Variants in PARP12 observed in about 807,000 individuals in gnomAD.
The protein encoded by PARP12 is protein mono-ADP-ribosyltransferase PARP12.
PARP12 carries 59 observed loss-of-function variants against 72.4 expected under a neutral mutation model. The ratio of observed to expected loss-of-function variants is 0.81; its 90% CI spans 0.66 to 1.01. The LOEUF (loss-of-function observed/expected upper bound fraction) is 1.01, where lower values mean the gene tolerates loss of function less well. Ranked by LOEUF, PARP12 falls within the 50% of genes least tolerant of loss-of-function variation. The pLI is 0.00. For missense variants in PARP12, 851 were observed against 914.0 expected (o/e 0.93, Z 0.89); for synonymous variants, 403 against 371.4 (o/e 1.09, Z -0.98).
In PARP12 at chr7:140,046,920, A is replaced by G; in HGVS notation, c.950T>C (p.Leu317Pro). The G allele has an allele frequency of 6.2e-7, 1 of 1,613,948 alleles. No homozygotes were observed. Among genetic ancestry groups the G allele is most frequent in the African/African-American group, 1.3e-5 (1 of 74,988 alleles). Residue 317 changes from leucine (L) to proline (P), a missense_variant, in exon 5 of 12, where the codon CTT becomes CCT. Transcript: ENST00000263549. ...GKWEDLDNME[L>P]IEEAYCNPKI... is the part of the protein sequence containing the mutation. ...GGGATTGCAATATGCCTCTTCAATA[A>G]GTTCCATGTTGTCCAAATCCTCCCA...
rs1447334826 is a variant in PARP12, at chr7:140,024,777, C to T, written c.1889G>A (p.Gly630Asp). The T allele has an allele frequency of 6.2e-7, 1 of 1,614,196 alleles. No homozygotes were observed. Among genetic ancestry groups the T allele is most frequent in the Admixed American group, 1.7e-5 (1 of 60,036 alleles). The change falls in exon 12 of 12, where the codon GGC (glycine) becomes GAC (aspartate). Residue 630 changes from glycine (G) to aspartate (D), a missense_variant. Transcript: ENST00000263549. ...CGGCGGACGGACAAAGGAGGCATTG[C>T]CCCTGACGAACTCGCCCACCAGCAC... ...ARVLVGEFVR[G>D]NASFVRPPAK...
intron 1 of PARP12, among the ~76,000 whole-genome samples, chr7:140,060,927 C>T (rs1449640008): frequency 6.6e-6 from 1 of 152,226 alleles, no homozygotes; most frequent in Non-Finnish European, 1.5e-5. Context: ...TCCTCCCAAG[C>T]TTCTGACCTG....
At chr7:140,048,753 C>A (rs1816838331) in intron 4 of PARP12, among the ~76,000 whole-genome samples, 1 of 152,090 alleles carries the variant, frequency 6.6e-6, no homozygotes, top group Admixed American at 6.5e-5. Context: ...ATAATATATT[C>A]CAAAAATTAT....
chr7:140,062,164 C>T (rs1817481987), intron 1 of PARP12, among the ~76,000 whole-genome samples: 1 of 152,124 alleles, frequency 6.6e-6, no homozygotes, highest in African/African-American at 2.4e-5. Flanking sequence ...ATTGTCTGGC[C>T]TCAAAGCTGG....
At chr7:140,050,231 A>G (rs1306802802) in intron 4 of PARP12, among the ~76,000 whole-genome samples, 1 of 152,218 alleles carries the variant, frequency 6.6e-6, no homozygotes, top group Non-Finnish European at 1.5e-5. Flanking sequence ...TCAGAGTCAG[A>G]TGAAGCCAGG....
chr7:140,034,250 G>A lies in PARP12; in HGVS notation c.1406C>T (p.Thr469Met), dbSNP rs761991030. 4.2e-5 allele frequency: 68 copies of A among 1,612,498 alleles called. No homozygotes were observed. Among genetic ancestry groups the A allele is most frequent in the Non-Finnish European group, 5.2e-5 (61 of 1,179,132 alleles). The change falls in exon 8 of 12, where the codon ACG becomes ATG. Residue 469 changes from threonine (T) to methionine (M), a missense_variant. Transcript: ENST00000263549. Reference protein sequence around the residue: ...RPKYVSPQDVTTMQTCNTKFP... With the variant: ...RPKYVSPQDVMTMQTCNTKFP... ...TGCAACCTACCAGGTTTGCATGGTCGTCACATCCTGGGGAGACACGTATTT... is the reference window on the plus strand; with the variant it reads ...TGCAACCTACCAGGTTTGCATGGTCATCACATCCTGGGGAGACACGTATTT...
In PARP12 at chr7:140,062,638, C is replaced by A. The variant is rs770274741; in HGVS notation, c.210G>T (p.Ser70=). ...GGTGCGCGCGACACAGGCGCAGCGGCGAGGCGGCCAGCACCACGCGCTCCG... is the reference window on the plus strand; with the variant it reads ...GGTGCGCGCGACACAGGCGCAGCGGAGAGGCGGCCAGCACCACGCGCTCCG... ...AAPERVVLAA[S]PLRLCRAHQG... The change falls in exon 1 of 12, where the codon TCG becomes TCT. Residue 70 remains serine, a synonymous_variant. Transcript: ENST00000263549. The A allele has an allele frequency of 2.6e-5, 39 of 1,475,076 alleles. 1 individual carries two copies. In the Middle Eastern group the frequency reaches 1.2e-3, roughly 45 times the overall value. The allele number at this position is 1,475,076 out of a possible 1,614,324, so 91.4% of individuals were successfully genotyped here.
rs111897783 is a variant in PARP12 at position 140,038,250 on chromosome 7, C to T, written c.1183-394G>A. The T allele has an allele frequency of 3.3e-5, 33 of 985,456 alleles. 1 individual carries two copies. The highest frequency in any genetic ancestry group is 2.6e-4 in the African/African-American group (15 of 57,364). The allele number at this position is 985,456 out of a possible 1,614,324, so 61.0% of individuals were successfully genotyped here. ...CAGGCTGGTCTTACCCGTCTATTCACGTTGCAACCATCCTTTAATCAGAGC... is the reference window on the plus strand; with the variant it reads ...CAGGCTGGTCTTACCCGTCTATTCATGTTGCAACCATCCTTTAATCAGAGC... On this transcript the variant is annotated intron_variant, in intron 6 of 11. Coordinates refer to ENST00000263549, the MANE Select transcript of PARP12 (RefSeq NM_022750.4).
chr7:140,025,655 G>A (rs529790970), intron 11 of PARP12: 49 of 385,300 alleles, frequency 1.3e-4, no homozygotes, highest in Non-Finnish European at 2.4e-4. Context: ...AATGAACGCA[G>A]GTAAAATTTA....
chr7:140,054,905 T>C (rs1817120151), intron 3 of PARP12, 142 bp from the exon 4 acceptor site: 2 of 659,734 alleles, frequency 3.0e-6, no homozygotes, highest in Admixed American at 5.1e-5. Flanking sequence ...AAAGTGCTCC[T>C]ACACAGGTGG....
chr7:140,033,232 C>T (rs1419445164), intron 8 of PARP12: 2 of 985,316 alleles, frequency 2.0e-6, no homozygotes, highest in African/African-American at 3.5e-5. Context: ...AAGTAAGGCA[C>T]ATTCCCAGGA....
At position 140,062,587 on chromosome 7, in the gene PARP12, C is replaced by T; in HGVS notation, c.261G>A (p.Gly87=). ...TGCAGAGGTGGAGCTGCGCGCAGAG[C>T]CCCACGCAGCCCGGCTTGGAGCCCT... The part of the protein sequence containing the change: ...AHQGSKPGCV[G]LCAQLHLCRF... Residue 87 remains glycine (G), a synonymous_variant, in exon 1 of 12, where the codon GGG becomes GGA. Coordinates refer to ENST00000263549, the MANE Select transcript of PARP12 (RefSeq NM_022750.4). 1 of 1,533,436 alleles carries T rather than the reference C, an allele frequency of 6.5e-7. No homozygotes were observed. The highest frequency in any genetic ancestry group is 8.7e-7 in the Non-Finnish European group (1 of 1,144,658). The allele number at this position is 1,533,436 out of a possible 1,614,324, so 95.0% of individuals were successfully genotyped here.
At position 140,062,512 on chromosome 7, in the gene PARP12, G is replaced by T. The variant is rs766910024; in HGVS notation, c.326+10C>A. 3 of 1,538,234 alleles carry T rather than the reference G, an allele frequency of 2.0e-6. No individual in the cohort carries two copies. Among genetic ancestry groups the T allele is most frequent in the African/African-American group, 2.8e-5 (2 of 72,306 alleles). On this transcript the variant is annotated intron_variant, in intron 1 of 11. Coordinates refer to ENST00000263549, the MANE Select transcript of PARP12 (RefSeq NM_022750.4). The stretch of plus-strand genomic sequence containing the variant: ...CTCCGCCCGCCGTCGCTCCCGGCGC[G>T]GCGCCTTACCCGGCTCTCAGGAACT...
rs560779995 is a variant in PARP12 at position 140,056,464 on chromosome 7, TC to T, written c.760+391del. Among the ~76,000 whole-genome samples, 677 of 152,226 alleles carry T rather than the reference TC, an allele frequency of 4.4e-3. 4 individuals are homozygous for T. The highest frequency in any genetic ancestry group is 0.016 in the African/African-American group (654 of 41,518). ...AATCAGAATACAACACAAGGAATGC[TC>T]CCCAGAGCTGTGCAGCACAGCATTC... On this transcript the variant is annotated intron_variant, in intron 3 of 11. Transcript: ENST00000263549.
Position 140,033,398 on chromosome 7 carries a change from C to A in PARP12, c.1421+837G>T, listed in dbSNP as rs1479291361. ...TTGTTGGTTCTCCATAAAATAGACA[C>A]AAGCCAGACCTCTCAGGCGAACAGA... On this transcript the variant is annotated intron_variant, in intron 8 of 11. Coordinates refer to ENST00000263549, the MANE Select transcript of PARP12 (RefSeq NM_022750.4). The A allele has an allele frequency of 3.0e-6, 3 of 985,302 alleles. No homozygotes were observed. The South Asian group carries it at 1.4e-4, about 46-fold the overall frequency. 61.0% of individuals were successfully genotyped at this position (985,302 alleles called of 1,614,324 possible). A position where few individuals can be genotyped will look rare whatever the true frequency, so the allele number is the denominator to read the frequency against.
At chr7:140,050,758 G>A (rs1302241958) in intron 4 of PARP12, among the ~76,000 whole-genome samples, 1 of 152,180 alleles carries the variant, frequency 6.6e-6, no homozygotes, top group Non-Finnish European at 1.5e-5. Flanking sequence ...AAAACATTCT[G>A]TAGGCTTAGA....
In PARP12 at chr7:140,028,615, G is replaced by A. The variant is rs1815823486; in HGVS notation, c.1495C>T (p.Gln499Ter). 6.3e-7 allele frequency: 1 copy of A among 1,590,920 alleles called. No individual in the cohort carries two copies. Among genetic ancestry groups the A allele is most frequent in the Non-Finnish European group, 8.6e-7 (1 of 1,167,818 alleles). The stretch of plus-strand genomic sequence containing the variant: ...CCCCAGGCGCATGCGTCCCCTACCT[G>A]AAAGCCTGGGTCTGGCAGGGCAGAG... ...DSSALPDPGF[Q>*]KITLSSSSEE... is the part of the protein sequence containing the mutation. The change falls in exon 9 of 12, where the codon CAG becomes TAG. Residue 499 changes from glutamine (Q) to a stop codon, truncating the protein, a stop_gained and splice_region_variant. Transcript: ENST00000263549. LOFTEE classifies it high-confidence loss of function.
chr7:140,058,001 G>A lies in PARP12; in HGVS notation c.360C>T (p.Thr120=), dbSNP rs545108103. ...KNCRNSHSLT[T]EHNLSVLRTH... ...TTCTCAGCACACTCAGGTTGTGTTCGGTTGTCAAGCTGTGACTATTCCTAC... is the reference window on the plus strand; with the variant it reads ...TTCTCAGCACACTCAGGTTGTGTTCAGTTGTCAAGCTGTGACTATTCCTAC... Residue 120 remains threonine (T), a synonymous_variant, in exon 2 of 12, where the codon ACC becomes ACT. Coordinates refer to ENST00000263549, the MANE Select transcript of PARP12 (RefSeq NM_022750.4). 32 of 1,614,218 alleles carry A rather than the reference G, an allele frequency of 2.0e-5. No homozygotes were observed. The highest frequency in any genetic ancestry group is 2.7e-5 in the African/African-American group (2 of 75,048).
chr7:140,049,049 G>A (rs976817176), intron 4 of PARP12, among the ~76,000 whole-genome samples: 1 of 152,204 alleles, frequency 6.6e-6, no homozygotes, highest in African/African-American at 2.4e-5. Context: ...CTAAAATTGT[G>A]TGCATTCTTT....
Sources: gnomAD v4.1 joint callset for allele counts (sites outside exome capture counted in the v4.1 genomes callset) on GRCh38, gnomAD v4.1.1 for gene constraint, MANE v1.5 for transcripts, NCBI Gene and HGNC (gene_info 2026-07-23, HGNC 2026-07-21) for gene names.